ZBTB46: variants seen among roughly 807,000 people sequenced by gnomAD.
ZBTB46 encodes the protein zinc finger and BTB domain-containing protein 46.
ZBTB46 carries 8 observed loss-of-function variants against 44.1 expected under a neutral mutation model. The observed-to-expected ratio is 0.18, with a 90% CI of 0.11 to 0.33. The LOEUF is 0.33. Ranked by LOEUF, ZBTB46 falls within the 10% of genes least tolerant of loss-of-function variation. The probability of loss-of-function intolerance (pLI) is 1.00; values close to 1 mark genes in which losing one functional copy is unlikely to be tolerated. For missense variants in ZBTB46, 651 were observed against 847.7 expected (o/e 0.77, Z 2.88); for synonymous variants, 409 against 382.3 (o/e 1.07, Z -0.81).
chr20:63,809,368 T>TC (rs111921812), intron 1 of ZBTB46, among the ~76,000 whole-genome samples: 9 of 152,060 alleles, frequency 5.9e-5, no homozygotes, highest in African/African-American at 1.7e-4. Flanking sequence ...CTTGCCTGTG[T>TC]CCCCCCATAT....
At chr20:63,820,442 TA>T (rs200329352) in intron 1 of ZBTB46, among the ~76,000 whole-genome samples, 6 of 147,472 alleles carry the variant, frequency 4.1e-5, no homozygotes, top group African/African-American at 1.1e-4. Context: ...TATATATATA[TA>T]TTTTTTTTTT....
chr20:63,831,293 C>A (rs1176139756), upstream of ZBTB46: 2 of 116,256 alleles, frequency 1.7e-5, no homozygotes, highest in East Asian at 3.2e-4. Flanking sequence ...ACCCCGCGGC[C>A]CCCGCCGCCC....
intron 1 of ZBTB46, among the ~76,000 whole-genome samples, chr20:63,810,591 T>C (rs141181954): frequency 1.3e-5 from 2 of 152,108 alleles, no homozygotes; most frequent in East Asian, 3.9e-4. Flanking sequence ...ACTAAAAATA[T>C]TAAAATTAGC....
rs1391329355 is a variant in ZBTB46 at position 63,752,444 on chromosome 20, G to C, written c.1398+242C>G. Among the ~76,000 whole-genome samples the C allele has an allele frequency of 6.6e-6, 1 of 152,070 alleles. No individual in the cohort carries two copies. The highest frequency in any genetic ancestry group is 1.5e-5 in the Non-Finnish European group (1 of 67,994). On this transcript the variant is annotated intron_variant, in intron 4 of 4. Coordinates refer to ENST00000245663, the MANE Select transcript of ZBTB46 (RefSeq NM_001369741.1). The surrounding 1 kb of genome is among the most constrained non-coding windows in gnomAD (Gnocchi z 5.6). ...TTTGCCGAGGCCTGGCTGCCTTGGC[G>C]GCCAGCAGGTGAGCAGGGTGGGCCG...
At chr20:63,799,742 C>A (rs1270962736) in intron 1 of ZBTB46, among the ~76,000 whole-genome samples, 2 of 152,184 alleles carry the variant, frequency 1.3e-5, no homozygotes, top group Non-Finnish European at 2.9e-5. Flanking sequence ...GCTTCCCCAG[C>A]TGTCGGGGAA....
chr20:63,780,189 T>C (rs1242711580), intron 2 of ZBTB46, among the ~76,000 whole-genome samples: 1 of 151,532 alleles, frequency 6.6e-6, no homozygotes, highest in African/African-American at 2.4e-5. Flanking sequence ...GAAAATCGCT[T>C]GAACCAGGGA....
chr20:63,795,085 A>G (rs1043503403), intron 1 of ZBTB46, among the ~76,000 whole-genome samples: 7 of 152,144 alleles, frequency 4.6e-5, no homozygotes, highest in Non-Finnish European at 1.0e-4. Flanking sequence ...CCCAATAGCT[A>G]CCCTAGACCC....
chr20:63,800,275 G>C (rs952771388), intron 1 of ZBTB46, among the ~76,000 whole-genome samples: 3 of 152,212 alleles, frequency 2.0e-5, no homozygotes, highest in Admixed American at 6.5e-5. Flanking sequence ...TCCCTTTATA[G>C]GAAACTCTAG....
intron 1 of ZBTB46, among the ~76,000 whole-genome samples, chr20:63,826,259 T>C (rs2092818900): frequency 6.6e-6 from 1 of 152,266 alleles, no homozygotes; most frequent in Non-Finnish European, 1.5e-5. Context: ...TGCCCGACTT[T>C]CAGATAAATG....
chr20:63,751,540 G>A (rs1346475225), intron 4 of ZBTB46, among the ~76,000 whole-genome samples: 1 of 152,084 alleles, frequency 6.6e-6, no homozygotes, highest in East Asian at 1.9e-4. Flanking sequence ...CACAGGGGTC[G>A]TTACCCCAAA....
upstream of ZBTB46, among the ~76,000 whole-genome samples, chr20:63,831,739 C>T (rs1309041342): frequency 6.6e-6 from 1 of 151,038 alleles, no homozygotes; most frequent in African/African-American, 2.4e-5. Context: ...GCTGCCCACG[C>T]GCAGGTTCCT....
chr20:63,823,373 C>T (rs957189798), intron 1 of ZBTB46, among the ~76,000 whole-genome samples: 4 of 151,466 alleles, frequency 2.6e-5, no homozygotes, highest in Admixed American at 1.3e-4. Context: ...TGGCACACGC[C>T]TATAATCCTA....
intron 1 of ZBTB46, among the ~76,000 whole-genome samples, chr20:63,800,279 A>G (rs2092633566): frequency 6.6e-6 from 1 of 152,160 alleles, no homozygotes; most frequent in African/African-American, 2.4e-5. Context: ...TTTATAGGAA[A>G]CTCTAGACAA....
At chr20:63,796,349 C>T (rs566133490) in intron 1 of ZBTB46, among the ~76,000 whole-genome samples, 2 of 152,334 alleles carry the variant, frequency 1.3e-5, no homozygotes, top group African/African-American at 2.4e-5. Flanking sequence ...CGCGGCGTCC[C>T]GGGCCTCCGG....
intron 1 of ZBTB46, among the ~76,000 whole-genome samples, chr20:63,805,750 T>TG (rs2092677157): frequency 5.1e-5 from 5 of 97,190 alleles, no homozygotes. Context: ...ATGCATCAGC[T>TG]TTTTTTTTTT....
At chr20:63,766,492 A>G (rs2092321450) in intron 3 of ZBTB46, among the ~76,000 whole-genome samples, 2 of 150,842 alleles carry the variant, frequency 1.3e-5, no homozygotes, top group East Asian at 3.9e-4. Flanking sequence ...CTGGGATCAC[A>G]GGCATGAGCC....
intron 3 of ZBTB46, among the ~76,000 whole-genome samples, chr20:63,763,924 T>A (rs968263849): frequency 6.6e-6 from 1 of 152,178 alleles, no homozygotes; most frequent in Non-Finnish European, 1.5e-5. Context: ...AAGATTATTT[T>A]CTATTACTCA....
At chr20:63,830,394 T>G (rs1421191133) in intron 1 of ZBTB46, among the ~76,000 whole-genome samples, 1 of 148,420 alleles carries the variant, frequency 6.7e-6, no homozygotes, top group Non-Finnish European at 1.5e-5. Context: ...GCGCGCCCCG[T>G]CCGCCCCGCG....
At chr20:63,816,055 C>CGGTGGGCGCAGGTGCGGTGGGTGCA (rs2092754204) in intron 1 of ZBTB46, among the ~76,000 whole-genome samples, 1 of 132,808 alleles carries the variant, frequency 7.5e-6, no homozygotes, top group Non-Finnish European at 1.6e-5. Context: ...GGTGCAGGTG[C>CGGTGGGCGCAGGTGCGGTGGGTGCA]GGTGGGCGCA....
Sources: allele counts gnomAD v4.1 joint callset (sites outside exome capture counted in the v4.1 genomes callset), GRCh38; gene constraint gnomAD v4.1.1; non-coding constraint Gnocchi (gnomAD v3.1); transcripts MANE v1.5; gene names NCBI Gene and HGNC (gene_info 2026-07-23, HGNC 2026-07-21).